The following KLF12 variants were observed in gnomAD, a reference collection of about 807,000 sequenced individuals.
The protein encoded by KLF12 is Krueppel-like factor 12.
In KLF12, 9 loss-of-function variants were observed where a neutral mutation model predicts 37.8. That is an observed-to-expected ratio of 0.24 (90% confidence interval 0.14 to 0.42). The LOEUF is 0.42. Ranked by LOEUF, KLF12 falls within the 10% of genes least tolerant of loss-of-function variation. KLF12 has a pLI of 1.00. For synonymous variants in KLF12, 208 were observed against 202.1 expected (o/e 1.03, Z -0.25); for missense variants, 411 against 516.0 (o/e 0.80, Z 1.97).
At chr13:74,271,524 C>G in the KLF12 span, among the ~76,000 whole-genome samples, 1 of 152,134 alleles carries the variant, frequency 6.6e-6, no homozygotes, top group Admixed American at 6.5e-5. Context: ...AAATGAATGA[C>G]TGTGTTGCAT....
chr13:74,031,920 A>T (rs890522806), intron 1 of KLF12, among the ~76,000 whole-genome samples: 1 of 152,160 alleles, frequency 6.6e-6, no homozygotes, highest in African/African-American at 2.4e-5. Flanking sequence ...CTCTCTATTA[A>T]TTATTTTAGG....
chr13:73,978,201 A>G (rs1441176755), intron 2 of KLF12, among the ~76,000 whole-genome samples: 3 of 152,218 alleles, frequency 2.0e-5, no homozygotes, highest in Non-Finnish European at 4.4e-5. Flanking sequence ...CAGACTGGGG[A>G]AAAATATTTG....
At chr13:73,702,805 T>C (rs971974097) in intron 7 of KLF12, among the ~76,000 whole-genome samples, 1 of 152,202 alleles carries the variant, frequency 6.6e-6, no homozygotes, top group African/African-American at 2.4e-5. Flanking sequence ...TCAAGATTCC[T>C]ATCTTGTCTT....
intron 7 of KLF12, among the ~76,000 whole-genome samples, chr13:73,714,964 T>C (rs928709613): frequency 1.3e-5 from 2 of 152,206 alleles, no homozygotes; most frequent in East Asian, 1.9e-4. Flanking sequence ...TGTTTACCTA[T>C]TTGCTATTTG....
At chr13:73,706,101 G>A (rs1024710812) in intron 7 of KLF12, among the ~76,000 whole-genome samples, 1 of 152,122 alleles carries the variant, frequency 6.6e-6, no homozygotes, top group Non-Finnish European at 1.5e-5. Context: ...GCAGTGAGCC[G>A]AGATCGTGCC....
At chr13:73,961,571 T>C (rs543503573) in intron 2 of KLF12, among the ~76,000 whole-genome samples, 12 of 152,132 alleles carry the variant, frequency 7.9e-5, no homozygotes, top group Admixed American at 1.3e-4. Context: ...TGGACAACTC[T>C]AGGAGTTAAA....
At chr13:74,053,066 G>T (rs1201795442) in intron 1 of KLF12, among the ~76,000 whole-genome samples, 1 of 152,064 alleles carries the variant, frequency 6.6e-6, no homozygotes, top group Non-Finnish European at 1.5e-5. Context: ...ATATTATCTA[G>T]ATTTTATTTT....
At chr13:73,813,974 C>T (rs529336106) in intron 4 of KLF12, among the ~76,000 whole-genome samples, 17 of 152,304 alleles carry the variant, frequency 1.1e-4, no homozygotes, top group East Asian at 5.8e-4. Context: ...AAGCAGGAAA[C>T]GGCACAATGT....
intron 1 of KLF12, among the ~76,000 whole-genome samples, chr13:74,038,623 G>A (rs7328558): frequency 0.05 from 7,673 of 152,092 alleles, 285 homozygotes; most frequent in African/African-American, 0.11. Flanking sequence ...GACTATAAAC[G>A]ACTAGTATAA....
intron 5 of KLF12, among the ~76,000 whole-genome samples, chr13:73,790,443 T>C (rs189509181): frequency 8.9e-4 from 135 of 152,318 alleles, no homozygotes; most frequent in African/African-American, 3.0e-3. Context: ...TTTAAAAAAA[T>C]TGTACTGTTT....
intron 1 of KLF12, among the ~76,000 whole-genome samples, chr13:74,069,289 T>C (rs1218508702): frequency 6.6e-6 from 1 of 152,182 alleles, no homozygotes; most frequent in Non-Finnish European, 1.5e-5. Context: ...AGGGCAGGAC[T>C]TGACTATGCA....
At position 74,000,728 on chromosome 13, in the gene KLF12, A is replaced by T. The variant is rs543350169; in HGVS notation, c.-31-5675T>A. On this transcript the variant is annotated intron_variant, in intron 1 of 7. Coordinates refer to ENST00000377669, the MANE Select transcript of KLF12 (RefSeq NM_007249.5). ...GAAGGTAAAGCAAAAGCACACTGAC[A>T]TGGAAATTACTCTTTTAATCTGTTT... 5.9e-5 allele frequency among the ~76,000 whole-genome samples: 9 copies of T among 152,314 alleles called. No homozygotes were observed. The South Asian group carries it at 1.2e-3, about 21-fold the overall frequency.
intron 5 of KLF12, among the ~76,000 whole-genome samples, chr13:73,774,515 T>C (rs1045464339): frequency 6.6e-6 from 1 of 152,068 alleles, no homozygotes; most frequent in Non-Finnish European, 1.5e-5. Flanking sequence ...CAGAAATTAG[T>C]GGACACAGTG....
chr13:74,015,085 T>A (rs2138388031), intron 1 of KLF12, among the ~76,000 whole-genome samples: 1 of 152,246 alleles, frequency 6.6e-6, no homozygotes, highest in African/African-American at 2.4e-5. Context: ...TATACAGTAG[T>A]ATGTAATATA....
At chr13:73,947,471 T>G (rs1453503349) in intron 2 of KLF12, among the ~76,000 whole-genome samples, 1 of 151,800 alleles carries the variant, frequency 6.6e-6, no homozygotes, top group Non-Finnish European at 1.5e-5. Context: ...GCCAACATAG[T>G]CAAACTCTGT....
intron 5 of KLF12, 76 bp downstream of exon 5, chr13:73,813,076 C>T: frequency 6.7e-7 from 1 of 1,487,658 alleles, no homozygotes; most frequent in South Asian, 1.2e-5. Context: ...GGCTGGGGGA[C>T]AGGAGATGCT....
the KLF12 span, among the ~76,000 whole-genome samples, chr13:74,274,502 T>C: frequency 1.3e-5 from 2 of 152,176 alleles, no homozygotes; most frequent in African/African-American, 2.4e-5. Flanking sequence ...GGTAAGCATA[T>C]TTTAAATATT....
chr13:73,924,423 G>T (rs927599939), intron 3 of KLF12, among the ~76,000 whole-genome samples: 3 of 152,036 alleles, frequency 2.0e-5, no homozygotes, highest in Non-Finnish European at 2.9e-5. Flanking sequence ...TATTATATTT[G>T]TTATGGCGAG....
At chr13:74,295,045 T>A in the KLF12 span, among the ~76,000 whole-genome samples, 2 of 152,204 alleles carry the variant, frequency 1.3e-5, no homozygotes, top group African/African-American at 4.8e-5. Flanking sequence ...TCCTTCAATT[T>A]CCTTTTATGT....
Sources: gnomAD v4.1 joint callset for allele counts (sites outside exome capture counted in the v4.1 genomes callset) on GRCh38, gnomAD v4.1.1 for gene constraint, MANE v1.5 for transcripts, NCBI Gene and HGNC (gene_info 2026-07-23, HGNC 2026-07-21) for gene names.